Variants in SYCP2L observed in about 807,000 individuals in gnomAD.
SYCP2L encodes synaptonemal complex protein 2-like.
In SYCP2L, 98 loss-of-function variants were observed where a neutral mutation model predicts 125.8. The ratio of observed to expected loss-of-function variants is 0.78; its 90% CI spans 0.66 to 0.92. The LOEUF (loss-of-function observed/expected upper bound fraction) is 0.92. Ranked by LOEUF, SYCP2L falls within the 40% of genes least tolerant of loss-of-function variation. The probability of loss-of-function intolerance (pLI) is 0.00; values close to 1 mark genes in which losing one functional copy is unlikely to be tolerated. For synonymous variants in SYCP2L, 317 were observed against 325.4 expected, an observed-to-expected ratio of 0.97 and a Z score of 0.28; for missense variants, 842 against 936.4, an observed-to-expected ratio of 0.90 and a Z score of 1.32.
At chr6:10,958,650 A>T in intron 25 of SYCP2L, 134 bp from the exon 26 acceptor site, 1 of 772,380 alleles carries the variant, frequency 1.3e-6, no homozygotes, top group South Asian at 1.8e-5. Context: ...ATGATGCCTG[A>T]TCACACTTGC....
chr6:10,889,954 G>A (rs925115860), intron 1 of SYCP2L, among the ~76,000 whole-genome samples: 5 of 152,160 alleles, frequency 3.3e-5, no homozygotes, highest in Admixed American at 3.3e-4. Context: ...ATGTGATCAA[G>A]AACATGCAGT....
intron 21 of SYCP2L, among the ~76,000 whole-genome samples, chr6:10,940,703 C>T (rs1338436249): frequency 6.6e-6 from 1 of 151,884 alleles, no homozygotes; most frequent in African/African-American, 2.4e-5. Flanking sequence ...AGATGGTCCT[C>T]GAAGGATATA....
rs575785480 is a variant in SYCP2L at position 10,948,337 on chromosome 6, C to A, written c.1954+5591C>A. Among the ~76,000 whole-genome samples the A allele has an allele frequency of 2.0e-5, 3 of 152,180 alleles. No homozygotes were observed. The South Asian group carries it at 6.2e-4, about 32-fold the overall frequency. The stretch of plus-strand genomic sequence containing the variant: ...AGTTTATGCCTTTTGACCAACGTCT[C>A]CCGGTTTTCCCAACCCCTTGATTCC... On this transcript the variant is annotated intron_variant, in intron 23 of 29. Coordinates refer to ENST00000283141, the MANE Select transcript of SYCP2L (RefSeq NM_001040274.3).
At chr6:10,928,278 A>G (rs966535199) in intron 17 of SYCP2L, 125 bp from the exon 18 acceptor site, 4 of 518,438 alleles carry the variant, frequency 7.7e-6, no homozygotes, top group Middle Eastern at 9.9e-4. Context: ...ATAAGTGTCC[A>G]TGAAATCTTC....
At chr6:10,925,866 C>T (rs1298681896) in intron 15 of SYCP2L, among the ~76,000 whole-genome samples, 1 of 152,130 alleles carries the variant, frequency 6.6e-6, no homozygotes, top group African/African-American at 2.4e-5. Flanking sequence ...TATGTCTTTC[C>T]AGTTTCACAA....
Position 10,887,052 on chromosome 6 carries a change from G to C in SYCP2L, c.-75G>C, listed in dbSNP as rs1581810914. ...CCCCCAGCGGGCGGGGCTCTTGGGC[G>C]GGGAAGCAGGAGAGGGCCGACCGAG... is the stretch of plus-strand genomic sequence containing the variant. On this transcript the variant is annotated 5_prime_UTR_variant, in exon 1 of 30. Coordinates refer to ENST00000283141, the MANE Select transcript of SYCP2L (RefSeq NM_001040274.3). The C allele has an allele frequency of 1.2e-6, 2 of 1,604,712 alleles. No individual in the cohort carries two copies. The highest frequency in any genetic ancestry group is 1.3e-5 in the African/African-American group (1 of 74,790).
At chr6:10,913,217 C>CA (rs1780638710) in intron 14 of SYCP2L, among the ~76,000 whole-genome samples, 1 of 152,170 alleles carries the variant, frequency 6.6e-6, no homozygotes, top group South Asian at 2.1e-4. Flanking sequence ...TGCTTTTCCC[C>CA]AAAGTGCTGC....
At chr6:10,956,802 G>A (rs1781509180) in intron 25 of SYCP2L, among the ~76,000 whole-genome samples, 2 of 151,920 alleles carry the variant, frequency 1.3e-5, no homozygotes, top group Admixed American at 6.6e-5. Flanking sequence ...TATCAATCAT[G>A]TGTATACCTT....
In SYCP2L at chr6:10,887,137, T is replaced by A. The variant is rs758704039; in HGVS notation, c.9+2T>A. ...CGAAGAAGCCTCGTTATGCAAGCGG[T>A]GAGTGACCCCCGAAGGGCCCGGACC... On this transcript the variant is annotated splice_donor_variant, in intron 1 of 29. Transcript: ENST00000283141. LOFTEE classifies it high-confidence loss of function. The A allele has an allele frequency of 2.5e-6, 4 of 1,613,944 alleles. No individual in the cohort carries two copies. In the African/African-American group the frequency reaches 4.0e-5, roughly 16 times the overall value.
At position 10,897,955 on chromosome 6, in the gene SYCP2L, TTATTGAATAGGCAGCATTTAG is replaced by T. The variant is rs1229058460; in HGVS notation, c.337-54_337-34del. ...AATGAGAAAATTGTCTTGTGCAATT[TTATTGAATAGGCAGCATTTAG>T]TCTTATGTAGTTACGTTAGTGTCCT... On this transcript the variant is annotated intron_variant, in intron 4 of 29. Transcript: ENST00000283141. 63 of 1,133,558 alleles carry T rather than the reference TTATTGAATAGGCAGCATTTAG, an allele frequency of 5.6e-5. 2 individuals are homozygous for T. In the Middle Eastern group the frequency reaches 5.9e-4, roughly 11 times the overall value. 70.2% of individuals were successfully genotyped at this position (1,133,558 alleles called of 1,614,324 possible). A position where few individuals can be genotyped will look rare whatever the true frequency, so the allele number is the denominator to read the frequency against.
chr6:10,939,421 A>G (rs1391955499), intron 21 of SYCP2L, among the ~76,000 whole-genome samples: 2 of 152,246 alleles, frequency 1.3e-5, no homozygotes, highest in Admixed American at 6.5e-5. Context: ...TAGCCAAAGC[A>G]ATCTTGAGAA....
At chr6:10,913,558 T>C (rs1046384756) in intron 14 of SYCP2L, among the ~76,000 whole-genome samples, 2 of 152,186 alleles carry the variant, frequency 1.3e-5, no homozygotes, top group African/African-American at 4.8e-5. Context: ...ACCCCACTTT[T>C]GGATGGGATT....
intron 10 of SYCP2L, 139 bp from the exon 11 acceptor site, chr6:10,910,009 A>G (rs1780577204): frequency 1.6e-6 from 1 of 643,246 alleles, no homozygotes; most frequent in South Asian, 2.1e-5. Flanking sequence ...ACATATAATA[A>G]CAAATCCTTG....
In SYCP2L at chr6:10,954,757, C is replaced by T. The variant is rs1781470802; in HGVS notation, c.1955-359C>T. ...GTGAGCTGAAGCACTTCCAAAGGCC[C>T]ATCTGCCTGGAAACCTTGCTGTCTT... On this transcript the variant is annotated intron_variant, in intron 23 of 29. Transcript: ENST00000283141. This position sits in a 1 kb window ranked among gnomAD's most constrained non-coding sequence, Gnocchi z 4.8. Among the ~76,000 whole-genome samples, 2 of 152,164 alleles carry T rather than the reference C, an allele frequency of 1.3e-5. No homozygotes were observed. The highest frequency in any genetic ancestry group is 1.9e-4 in the East Asian group (1 of 5,176).
chr6:10,918,986 A>AT (rs1780740298), intron 14 of SYCP2L, among the ~76,000 whole-genome samples: 2 of 151,820 alleles, frequency 1.3e-5, no homozygotes, highest in South Asian at 4.2e-4. Context: ...TTCTTGTATG[A>AT]TTTTTTTATT....
At chr6:10,919,186 T>G (rs545373094) in intron 14 of SYCP2L, among the ~76,000 whole-genome samples, 52 of 152,326 alleles carry the variant, frequency 3.4e-4, no homozygotes, top group African/African-American at 1.2e-3. Context: ...TTTCTGGTTC[T>G]TTCTCATTTG....
intron 2 of SYCP2L, among the ~76,000 whole-genome samples, chr6:10,892,380 G>A (rs937929842): frequency 2.6e-5 from 4 of 152,156 alleles, no homozygotes; most frequent in African/African-American, 9.7e-5. Context: ...GCTTACTGCA[G>A]CCTTGACCTC....
intron 20 of SYCP2L, 32 bp from the exon 21 acceptor site, chr6:10,935,026 T>C: frequency 6.5e-7 from 1 of 1,538,926 alleles, no homozygotes; most frequent in Middle Eastern, 1.7e-4. Flanking sequence ...TAATTATGAA[T>C]GTTAACACTT....
At position 10,915,657 on chromosome 6, in the gene SYCP2L, C is replaced by T. The variant is rs574139910; in HGVS notation, c.1072+2730C>T. ...TGTGCATATTAAACCATTCCTGCAT[C>T]CCTGGTATGAAACCCACCTGATGAT... On this transcript the variant is annotated intron_variant, in intron 14 of 29. Transcript: ENST00000283141. Among the ~76,000 whole-genome samples the T allele has an allele frequency of 5.9e-5, 9 of 152,268 alleles. No homozygotes were observed. The South Asian group carries it at 1.5e-3, about 25-fold the overall frequency.
Sources: allele counts gnomAD v4.1 joint callset (sites outside exome capture counted in the v4.1 genomes callset), GRCh38; gene constraint gnomAD v4.1.1; non-coding constraint Gnocchi (gnomAD v3.1); transcripts MANE v1.5; gene names NCBI Gene and HGNC (gene_info 2026-07-23, HGNC 2026-07-21).